The following ERC1 variants were observed in gnomAD, a reference collection of about 807,000 sequenced individuals.
The protein encoded by ERC1 is RAB6 interacting protein 2.
Under a neutral mutation model 132.0 loss-of-function variants are expected in ERC1, and 56 were observed. The observed-to-expected ratio is 0.42, with a 90% CI of 0.34 to 0.53. The LOEUF (loss-of-function observed/expected upper bound fraction) is 0.53. Ranked by LOEUF, ERC1 falls within the 20% of genes least tolerant of loss-of-function variation. ERC1 has a pLI of 0.03. For synonymous variants in ERC1, 478 were observed against 476.1 expected (o/e 1.00, Z -0.05); for missense variants, 1,202 against 1,349.9 (o/e 0.89, Z 1.72).
chr12:1,328,492 T>C (rs952861104), intron 15 of ERC1, among the ~76,000 whole-genome samples: 7 of 152,104 alleles, frequency 4.6e-5, no homozygotes, highest in Non-Finnish European at 1.0e-4. Context: ...CCTCTTAAAA[T>C]TTTCCAAAGG....
chr12:1,305,700 AG>A lies in ERC1; in HGVS notation c.2780+15689del, dbSNP rs1555353900. ...CTTCACAATATTTATCACAAGTACA[AG>A]TTCCAATTTAAGCTAATTTATTTTC... On this transcript the variant is annotated intron_variant, in intron 15 of 18. Transcript: ENST00000360905. Among the ~76,000 whole-genome samples the A allele has an allele frequency of 2.6e-4, 40 of 152,116 alleles. 1 individual carries two copies. Among genetic ancestry groups the A allele is most frequent in the Non-Finnish European group, 1.5e-5 (1 of 68,022 alleles).
At chr12:1,437,570 G>C (rs1335007030) in intron 17 of ERC1, among the ~76,000 whole-genome samples, 1 of 152,174 alleles carries the variant, frequency 6.6e-6, no homozygotes, top group Non-Finnish European at 1.5e-5. Flanking sequence ...CGTTTGAGTA[G>C]CATTTTTTAT....
intron 15 of ERC1, among the ~76,000 whole-genome samples, chr12:1,340,709 C>G (rs891616210): frequency 2.6e-5 from 4 of 152,110 alleles, no homozygotes; most frequent in African/African-American, 9.7e-5. Flanking sequence ...CCAGTCAGCT[C>G]GGTTTCTCGC....
chr12:1,282,352 C>T lies in ERC1; in HGVS notation c.2620-7500C>T, dbSNP rs150514557. Among the ~76,000 whole-genome samples the T allele has an allele frequency of 5.1e-3, 773 of 152,240 alleles. 9 individuals are homozygous for T. The highest frequency in any genetic ancestry group is 0.018 in the African/African-American group (741 of 41,536). On this transcript the variant is annotated intron_variant, in intron 14 of 18. Transcript: ENST00000360905. ...TGAGGATAATAATACTTTATACCCA[C>T]CATATAGGATCATTTTGAGGCTTTA...
intron 2 of ERC1, among the ~76,000 whole-genome samples, chr12:1,060,497 G>A (rs1443385233): frequency 3.9e-5 from 6 of 152,042 alleles, no homozygotes; most frequent in African/African-American, 1.2e-4. Flanking sequence ...CCCTACAAAG[G>A]ACATGAACTC....
chr12:1,109,741 G>A (rs1314396185), intron 4 of ERC1, among the ~76,000 whole-genome samples: 2 of 152,146 alleles, frequency 1.3e-5, no homozygotes, highest in Admixed American at 1.3e-4. Flanking sequence ...TGGCTGTAAA[G>A]GACGTATTTT....
intron 14 of ERC1, among the ~76,000 whole-genome samples, chr12:1,266,952 G>T (rs552462415): frequency 6.6e-6 from 1 of 152,330 alleles, no homozygotes; most frequent in African/African-American, 2.4e-5. Context: ...AAGTAAAATT[G>T]TATGGGAGCC....
intron 7 of ERC1, among the ~76,000 whole-genome samples, chr12:1,130,524 T>C (rs919832117): frequency 6.6e-6 from 1 of 152,140 alleles, no homozygotes; most frequent in Non-Finnish European, 1.5e-5. Flanking sequence ...GCAGTATACT[T>C]TGTGTAGCCA....
intron 16 of ERC1, among the ~76,000 whole-genome samples, chr12:1,397,372 A>G (rs984774353): frequency 3.9e-5 from 6 of 152,192 alleles, no homozygotes; most frequent in African/African-American, 1.2e-4. Flanking sequence ...ATTCATTGCT[A>G]TAATATTTAT....
At chr12:1,102,628 C>T (rs1944796875) in intron 3 of ERC1, among the ~76,000 whole-genome samples, 1 of 152,112 alleles carries the variant, frequency 6.6e-6, no homozygotes, top group Non-Finnish European at 1.5e-5. Context: ...AAGCGCTTAC[C>T]AGTGTGGCAG....
At chr12:1,272,239 G>A (rs1189468455) in intron 14 of ERC1, among the ~76,000 whole-genome samples, 11 of 152,218 alleles carry the variant, frequency 7.2e-5, no homozygotes, top group Non-Finnish European at 1.5e-5. Flanking sequence ...TAAAGCCATA[G>A]TAAACATCTA....
At chr12:1,330,345 G>C (rs557114887) in intron 15 of ERC1, among the ~76,000 whole-genome samples, 1 of 152,170 alleles carries the variant, frequency 6.6e-6, no homozygotes, top group South Asian at 2.1e-4. Context: ...CAGAACTTTA[G>C]ACTCATAATG....
At position 1,483,668 on chromosome 12, in the gene ERC1, C is replaced by CTTTTT. The variant is rs35596394; in HGVS notation, c.3214-6391_3214-6387dup. On this transcript the variant is annotated intron_variant, in intron 18 of 18. Coordinates refer to ENST00000360905, the MANE Select transcript of ERC1 (RefSeq NM_178040.4). ...CAAAACTCCTTCCAGCCACTGAGAGCTTTTTTTTTTTTTTTTTTTTTTTTT... is the reference window on the plus strand; with the variant it reads ...CAAAACTCCTTCCAGCCACTGAGAGCTTTTTTTTTTTTTTTTTTTTTTTTTTTTTT... 3.6e-4 allele frequency among the ~76,000 whole-genome samples: 20 copies of CTTTTT among 55,220 alleles called. 7 individuals are homozygous for CTTTTT. The highest frequency in any genetic ancestry group is 6.2e-4 in the Admixed American group (2 of 3,230). The allele number at this position is 55,220 out of a possible 152,430, so 36.2% of individuals were successfully genotyped here. A position where few individuals can be genotyped will look rare whatever the true frequency, so the allele number is the denominator to read the frequency against.
At chr12:1,368,895 C>T (rs2086909339) in intron 15 of ERC1, among the ~76,000 whole-genome samples, 1 of 152,158 alleles carries the variant, frequency 6.6e-6, no homozygotes, top group African/African-American at 2.4e-5. Flanking sequence ...AATTGCCCTT[C>T]TTAGGCACCT....
intron 13 of ERC1, among the ~76,000 whole-genome samples, chr12:1,251,771 A>G (rs1311261301): frequency 6.6e-6 from 1 of 152,194 alleles, no homozygotes; most frequent in Admixed American, 6.5e-5. Context: ...ATTTAATAGC[A>G]GTGAAATTTA....
chr12:1,355,121 G>A (rs2085398200), intron 15 of ERC1, among the ~76,000 whole-genome samples: 1 of 152,020 alleles, frequency 6.6e-6, no homozygotes. Flanking sequence ...GGGCTCTGTG[G>A]GCCATTTGGT....
At chr12:1,290,061 T>C in intron 15 of ERC1, 49 bp downstream of exon 15, 3 of 1,513,006 alleles carry the variant, frequency 2.0e-6, no homozygotes, top group East Asian at 2.3e-5. Context: ...GTGGAAATAC[T>C]TTTTCTCCCT....
chr12:1,164,141 G>A (rs1952134453), intron 8 of ERC1, among the ~76,000 whole-genome samples: 1 of 152,152 alleles, frequency 6.6e-6, no homozygotes, highest in Admixed American at 6.6e-5. Context: ...AAGCTGCTTG[G>A]TCAGTTAAGG....
At chr12:1,067,925 GC>G (rs1220216521) in intron 2 of ERC1, among the ~76,000 whole-genome samples, 1 of 109,096 alleles carries the variant, frequency 9.2e-6, no homozygotes, top group Non-Finnish European at 1.9e-5. Flanking sequence ...TTTAGCCACT[GC>G]TTTTTTTTTT....
Sources: allele counts gnomAD v4.1 joint callset (sites outside exome capture counted in the v4.1 genomes callset), GRCh38; gene constraint gnomAD v4.1.1; transcripts MANE v1.5; gene names NCBI Gene and HGNC (gene_info 2026-07-23, HGNC 2026-07-21).